Variants in GBE1 observed in about 807,000 individuals in gnomAD.
GBE1 encodes the protein 1,4-alpha-glucan-branching enzyme.
Under a neutral mutation model 88.8 loss-of-function variants are expected in GBE1, and 70 were observed. The ratio of observed to expected loss-of-function variants is 0.79; its 90% CI spans 0.65 to 0.96. The LOEUF (loss-of-function observed/expected upper bound fraction) is 0.96. Among genes scored for constraint, GBE1 ranks in the 40% least tolerant of loss-of-function variants. The pLI is 0.00. For synonymous variants in GBE1, 284 were observed against 300.1 expected (o/e 0.95, Z 0.56); for missense variants, 872 against 871.0 (o/e 1.00, Z -0.01).
chr3:81,704,894 T>A (rs992223482), intron 2 of GBE1, among the ~76,000 whole-genome samples: 1 of 152,026 alleles, frequency 6.6e-6, no homozygotes. Flanking sequence ...TCTAGTGGAG[T>A]TAACAGTGCA....
intron 14 of GBE1, among the ~76,000 whole-genome samples, chr3:81,531,635 C>T (rs1284148491): frequency 6.6e-6 from 1 of 151,656 alleles, no homozygotes; most frequent in African/African-American, 2.4e-5. Context: ...AGAGCTGGAG[C>T]CTGAAATAGG....
Position 81,591,159 on chromosome 3 carries a change from C to A in GBE1, c.1114G>T (p.Gly372Cys). ...MLYHHHGVGQGFSGDYSEYFG... is the reference protein window; with the variant it reads ...MLYHHHGVGQCFSGDYSEYFG... ...TATTCACTGTAATCACCTGAGAAAC[C>A]TTGACCTTAGAAAAAGAAAATCAAT... The change falls in exon 9 of 16, where the codon GGT becomes TGT. Residue 372 changes from glycine (G) to cysteine (C), a missense_variant. Physicochemically the swap from Gly to Cys is radical, Grantham distance 159 (BLOSUM62 -3). Transcript: ENST00000429644. 1 of 1,597,214 alleles carries A rather than the reference C, an allele frequency of 6.3e-7. No individual in the cohort carries two copies. Among genetic ancestry groups the A allele is most frequent in the East Asian group, 2.2e-5 (1 of 44,452 alleles).
At chr3:81,648,451 A>G (rs992582812) in intron 5 of GBE1, among the ~76,000 whole-genome samples, 3 of 152,084 alleles carry the variant, frequency 2.0e-5, no homozygotes, top group Non-Finnish European at 2.9e-5. Flanking sequence ...ATATAAAATA[A>G]CTGATACAAA....
intron 1 of GBE1, among the ~76,000 whole-genome samples, chr3:81,743,967 T>A (rs566334243): frequency 1.3e-5 from 2 of 152,216 alleles, no homozygotes; most frequent in East Asian, 1.9e-4. Context: ...AAGTCACTGG[T>A]CAATAATTGC....
chr3:81,702,102 A>AGTGTGT (rs571028865), intron 2 of GBE1, among the ~76,000 whole-genome samples: 1 of 115,406 alleles, frequency 8.7e-6, no homozygotes, highest in African/African-American at 2.9e-5. Context: ...AGAGAGAGAG[A>AGTGTGT]GTGTGTGTGT....
intron 12 of GBE1, among the ~76,000 whole-genome samples, chr3:81,541,459 G>T (rs6768822): frequency 8.9e-5 from 13 of 146,822 alleles, no homozygotes; most frequent in African/African-American, 1.3e-4. Flanking sequence ...TGCCCCCCCC[G>T]CCACCTCGCC....
intron 5 of GBE1, among the ~76,000 whole-genome samples, chr3:81,647,765 A>T (rs1460914781): frequency 6.6e-6 from 1 of 152,132 alleles, no homozygotes; most frequent in Non-Finnish European, 1.5e-5. Context: ...TTATAAACAA[A>T]GATATTAGTT....
chr3:81,553,515 A>G (rs1703303750), intron 12 of GBE1, among the ~76,000 whole-genome samples: 2 of 152,102 alleles, frequency 1.3e-5, no homozygotes, highest in Non-Finnish European at 2.9e-5. Flanking sequence ...ATAAATGTTG[A>G]AAGAAAAAAA....
At chr3:81,687,814 A>T (rs190723557) in intron 2 of GBE1, among the ~76,000 whole-genome samples, 1 of 152,370 alleles carries the variant, frequency 6.6e-6, no homozygotes, top group East Asian at 1.9e-4. Flanking sequence ...AGTCTGGAGT[A>T]GCATCAAAGA....
chr3:81,557,564 G>A (rs1055402893), intron 12 of GBE1, among the ~76,000 whole-genome samples: 1 of 152,008 alleles, frequency 6.6e-6, no homozygotes, highest in Admixed American at 6.6e-5. Flanking sequence ...GATTTATAGG[G>A]AGGATGACTT....
rs1553690312 is a variant in GBE1 at position 81,669,633 on chromosome 3, A to AC, written c.429+1204_429+1205insG. Among the ~76,000 whole-genome samples, 770 of 151,480 alleles carry AC rather than the reference A, an allele frequency of 5.1e-3. 5 individuals are homozygous for AC. The highest frequency in any genetic ancestry group is 0.014 in the Middle Eastern group (4 of 288). ...GAGTATACAGGAGTAGGAAAAAAAA[A>AC]ACACACACACACACAGCAAAGGCCA... is the stretch of plus-strand genomic sequence containing the variant. On this transcript the variant is annotated intron_variant, in intron 3 of 15. Coordinates refer to ENST00000429644, the MANE Select transcript of GBE1 (RefSeq NM_000158.4).
intron 7 of GBE1, among the ~76,000 whole-genome samples, chr3:81,606,814 A>G (rs555919612): frequency 3.3e-5 from 5 of 152,272 alleles, no homozygotes; most frequent in African/African-American, 9.6e-5. Flanking sequence ...TGACACTATG[A>G]TCATTTCGTG....
At chr3:81,708,949 G>C (rs1221686639) in intron 1 of GBE1, among the ~76,000 whole-genome samples, 3 of 152,110 alleles carry the variant, frequency 2.0e-5, no homozygotes, top group Admixed American at 1.3e-4. Context: ...AGCCAGGCCA[G>C]GCAGGTGTAA....
At chr3:81,579,877 C>T (rs1703697915) in intron 11 of GBE1, among the ~76,000 whole-genome samples, 1 of 152,116 alleles carries the variant, frequency 6.6e-6, no homozygotes, top group Non-Finnish European at 1.5e-5. Context: ...CTTTCTCTGT[C>T]TCAGCTACTC....
intron 7 of GBE1, among the ~76,000 whole-genome samples, chr3:81,603,452 G>A (rs1704059895): frequency 6.6e-6 from 1 of 151,866 alleles, no homozygotes; most frequent in South Asian, 2.1e-4. Context: ...TTTGAAAAGA[G>A]GGTACCAGAT....
At chr3:81,728,916 T>A (rs1706151212) in intron 1 of GBE1, among the ~76,000 whole-genome samples, 1 of 151,924 alleles carries the variant, frequency 6.6e-6, no homozygotes, top group South Asian at 2.1e-4. Flanking sequence ...CCTTTTTTTT[T>A]TGCACACCAC....
intron 1 of GBE1, chr3:81,743,513 A>C (rs574423978): frequency 7.6e-7 from 1 of 1,308,934 alleles, no homozygotes; most frequent in Non-Finnish European, 1.1e-6. Context: ...CCTCTCTTAC[A>C]GGCAAAGACC....
chr3:81,729,025 TA>T (rs1287021107), intron 1 of GBE1, among the ~76,000 whole-genome samples: 1 of 152,144 alleles, frequency 6.6e-6, no homozygotes, highest in African/African-American at 2.4e-5. Context: ...TTTAGCTTAC[TA>T]GGTGCTAGCA....
At chr3:81,705,009 A>G (rs1409151654) in intron 2 of GBE1, among the ~76,000 whole-genome samples, 1 of 152,146 alleles carries the variant, frequency 6.6e-6, no homozygotes, top group Non-Finnish European at 1.5e-5. Context: ...ATCTACTTTT[A>G]CTGAAGACTC....
Sources: gnomAD v4.1 joint callset for allele counts (sites outside exome capture counted in the v4.1 genomes callset) on GRCh38, gnomAD v4.1.1 for gene constraint, MANE v1.5 for transcripts, NCBI Gene and HGNC (gene_info 2026-07-23, HGNC 2026-07-21) for gene names.